Variants in DNAH17 observed in about 807,000 individuals in gnomAD.
DNAH17 encodes the protein dynein axonemal heavy chain 17, also known as axonemal beta dynein heavy chain 17.
In DNAH17, 376 loss-of-function variants were observed where a neutral mutation model predicts 485.6. That is an observed-to-expected ratio of 0.77 (90% CI 0.71 to 0.84). The LOEUF is 0.84. DNAH17 is among the 40% of genes least tolerant of loss of function. The pLI is 0.00. For missense variants in DNAH17, 6,370 were observed against 5,839.3 expected (o/e 1.09, Z -2.96); for synonymous variants, 3,031 against 2,405.9 (o/e 1.26, Z -7.60).
intron 25 of DNAH17, among the ~76,000 whole-genome samples, chr17:78,517,599 G>A (rs1471353792): frequency 1.3e-5 from 2 of 152,156 alleles, no homozygotes; most frequent in Admixed American, 6.6e-5. Context: ...GACTGCCCTC[G>A]TTTGGCAAAT....
intron 34 of DNAH17, 47 bp downstream of exon 34, chr17:78,501,695 G>C (rs778355884): frequency 5.0e-6 from 8 of 1,598,774 alleles, no homozygotes; most frequent in Non-Finnish European, 6.0e-6. Context: ...CCTGAACCCG[G>C]TGTCCCCTTG....
Position 78,530,334 on chromosome 17 carries a change from G to A in DNAH17, c.3284+9C>T, listed in dbSNP as rs755157900. On this transcript the variant is annotated intron_variant, in intron 21 of 80. Coordinates refer to ENST00000389840, the MANE Select transcript of DNAH17 (RefSeq NM_173628.4). ...CTTGGGCTCCCCGAGTACATGGCTGGGGACCCACCTGTTGGTGACGTGGTT... is the reference window on the plus strand; with the variant it reads ...CTTGGGCTCCCCGAGTACATGGCTGAGGACCCACCTGTTGGTGACGTGGTT... 2 of 1,601,950 alleles carry A rather than the reference G, an allele frequency of 1.2e-6. No individual in the cohort carries two copies. The highest frequency in any genetic ancestry group is 2.2e-5 in the East Asian group (1 of 44,536).
chr17:78,438,936 C>A, intron 73 of DNAH17, 154 bp downstream of exon 73: 1 of 1,180,212 alleles, frequency 8.5e-7, no homozygotes, highest in Non-Finnish European at 1.1e-6. Flanking sequence ...AGAGCCGACA[C>A]TGGGGATGCC....
rs144944987 is a variant in DNAH17 at position 78,469,837 on chromosome 17, G to A, written c.8512-954C>T. On this transcript the variant is annotated intron_variant, in intron 54 of 80. Transcript: ENST00000389840. ...AGCCAGACACGAAAGGACAAATACC[G>A]TGTGATTCCACTTACATGAGGTCCC... is the stretch of plus-strand genomic sequence containing the variant. Among the ~76,000 whole-genome samples, 382 of 152,274 alleles carry A rather than the reference G, an allele frequency of 2.5e-3. 6 individuals are homozygous for A. Among genetic ancestry groups the A allele is most frequent in the African/African-American group, 8.4e-3 (350 of 41,542 alleles).
intron 80 of DNAH17, chr17:78,424,422 C>T (rs945319849): frequency 4.7e-6 from 2 of 422,922 alleles, no homozygotes; most frequent in African/African-American, 1.9e-5. Context: ...TTCAGAGCCT[C>T]ATCTGTCAGC....
intron 17 of DNAH17, among the ~76,000 whole-genome samples, chr17:78,541,576 G>A (rs1303088064): frequency 1.3e-5 from 2 of 151,986 alleles, no homozygotes; most frequent in East Asian, 1.9e-4. Context: ...TGACTGTCAT[G>A]AGAGTAGCCA....
intron 19 of DNAH17, among the ~76,000 whole-genome samples, 195 bp downstream of exon 19, chr17:78,537,104 G>A (rs543412381): frequency 1.3e-5 from 2 of 151,888 alleles, no homozygotes; most frequent in African/African-American, 4.8e-5. Context: ...CTTGAACCCA[G>A]GAGGCGGAGG....
At chr17:78,465,764 C>T (rs1161271263) in intron 56 of DNAH17, among the ~76,000 whole-genome samples, 2 of 137,030 alleles carry the variant, frequency 1.5e-5, no homozygotes, top group East Asian at 2.1e-4. Context: ...GAGGTGGGGG[C>T]GGTCAGCCCC....
chr17:78,566,544 C>T (rs913819904), intron 11 of DNAH17, 70 bp downstream of exon 11: 42 of 1,140,756 alleles, frequency 3.7e-5, no homozygotes, highest in South Asian at 8.1e-5. Context: ...TCTCCAAGAT[C>T]GTTCTCGACA....
chr17:78,512,909 C>G (rs1431899334), intron 26 of DNAH17, among the ~76,000 whole-genome samples: 1 of 146,988 alleles, frequency 6.8e-6, no homozygotes, highest in Non-Finnish European at 1.5e-5. Flanking sequence ...TCACTGAACT[C>G]CAGCCTGGGC....
intron 25 of DNAH17, chr17:78,522,320 C>T: frequency 3.6e-6 from 1 of 278,012 alleles, no homozygotes; most frequent in Non-Finnish European, 7.2e-6. Flanking sequence ...AACCAGGACC[C>T]TCAGTATGAG....
At position 78,561,704 on chromosome 17, in the gene DNAH17, C is replaced by T. The variant is rs1473295556; in HGVS notation, c.1835+11G>A. ...GCGGGGTGCCTGCCCCTGCCCAGGGCTGTGACTCACGGGTGTTCGACGTGC... is the reference window on the plus strand; with the variant it reads ...GCGGGGTGCCTGCCCCTGCCCAGGGTTGTGACTCACGGGTGTTCGACGTGC... On this transcript the variant is annotated intron_variant, in intron 12 of 80. Coordinates refer to ENST00000389840, the MANE Select transcript of DNAH17 (RefSeq NM_173628.4). The T allele has an allele frequency of 2.5e-6, 4 of 1,595,758 alleles. No homozygotes were observed. Among genetic ancestry groups the T allele is most frequent in the Non-Finnish European group, 8.6e-7 (1 of 1,169,240 alleles).
At chr17:78,480,626 C>A in intron 49 of DNAH17, 58 bp downstream of exon 49, 1 of 1,459,528 alleles carries the variant, frequency 6.9e-7, no homozygotes, top group Non-Finnish European at 9.4e-7. Context: ...CTCTCATTTG[C>A]CAGAAGCAAG....
chr17:78,447,458 C>G lies in DNAH17; in HGVS notation c.11212-1778G>C, dbSNP rs376870659. ...TATTGGGCAGCTAACCTGGCACCCT[C>G]TGTCTCAGATGGGCAGCAGGTGGCT... is the stretch of plus-strand genomic sequence containing the variant. On this transcript the variant is annotated intron_variant, in intron 69 of 80. Coordinates refer to ENST00000389840, the MANE Select transcript of DNAH17 (RefSeq NM_173628.4). Among the ~76,000 whole-genome samples the G allele has an allele frequency of 7.2e-5, 11 of 152,314 alleles. 1 individual carries two copies. The highest frequency in any genetic ancestry group is 5.8e-4 in the East Asian group (3 of 5,178).
At chr17:78,478,987 C>G in intron 51 of DNAH17, 38 bp downstream of exon 51, 1 of 1,585,498 alleles carries the variant, frequency 6.3e-7, no homozygotes, top group Non-Finnish European at 8.6e-7. Flanking sequence ...GGCACTGGAC[C>G]GTAAGGCAGG....
rs779161015 is a variant in DNAH17, at chr17:78,459,808, G to A, written c.9629C>T (p.Pro3210Leu). Residue 3210 changes from proline to leucine, a missense_variant, in exon 60 of 81, where the codon CCT becomes CTT. By Grantham distance (98) the Pro-to-Leu change is moderately conservative. Coordinates refer to ENST00000389840, the MANE Select transcript of DNAH17 (RefSeq NM_173628.4). The part of the protein sequence containing the change: ...SLKKFDKEHI[P>L]EACLKAFKPY... ...CTTGAAGGCCTTCAGGCAGGCCTCA[G>A]GGATGTGCTCCTTGTCGAACTTCTT... 9 of 1,613,926 alleles carry A rather than the reference G, an allele frequency of 5.6e-6. No homozygotes were observed. Among genetic ancestry groups the A allele is most frequent in the Non-Finnish European group, 7.6e-6 (9 of 1,179,904 alleles).
chr17:78,532,876 A>T, intron 19 of DNAH17, 140 bp from the exon 20 acceptor site: 1 of 1,076,458 alleles, frequency 9.3e-7, no homozygotes, highest in Non-Finnish European at 1.3e-6. Context: ...CTCTTTTTCC[A>T]GCCTGGGCCG....
rs111527902 is a variant in DNAH17, at chr17:78,552,893, A to G, written c.2179-88T>C. ...AAGGACCTTTTATTCCTCAACACCAACTAATACGGTTTGGATCTGTGTCCC... is the reference window on the plus strand; with the variant it reads ...AAGGACCTTTTATTCCTCAACACCAGCTAATACGGTTTGGATCTGTGTCCC... On this transcript the variant is annotated intron_variant, in intron 14 of 80. Transcript: ENST00000389840. 315 of 876,502 alleles carry G rather than the reference A, an allele frequency of 3.6e-4. No homozygotes were observed. In the African/African-American group the frequency reaches 4.1e-3, roughly 11 times the overall value. 54.3% of individuals were successfully genotyped at this position (876,502 alleles called of 1,614,324 possible). A position where few individuals can be genotyped will look rare whatever the true frequency, so the allele number is the denominator to read the frequency against.
At chr17:78,431,536 G>A (rs1598438321) in intron 75 of DNAH17, among the ~76,000 whole-genome samples, 1 of 149,934 alleles carries the variant, frequency 6.7e-6, no homozygotes, top group East Asian at 1.9e-4. Flanking sequence ...TCAAAGCAAC[G>A]TTCCATCAGA....
Sources: gnomAD v4.1 joint callset for allele counts (sites outside exome capture counted in the v4.1 genomes callset) on GRCh38, gnomAD v4.1.1 for gene constraint, MANE v1.5 for transcripts, NCBI Gene and HGNC (gene_info 2026-07-23, HGNC 2026-07-21) for gene names.